The following ACTN2 variants were observed in gnomAD, a reference collection of about 807,000 sequenced individuals.
ACTN2 encodes alpha-actinin-2.
ACTN2 carries 39 observed loss-of-function variants against 113.8 expected under a neutral mutation model. The ratio of observed to expected loss-of-function variants is 0.34; its 90% CI spans 0.27 to 0.45. The LOEUF is 0.45. Ranked by LOEUF, ACTN2 falls within the 20% of genes least tolerant of loss-of-function variation. The pLI, the probability that ACTN2 is intolerant of heterozygous loss-of-function variation, is 1.00. For synonymous variants in ACTN2, 429 were observed against 444.1 expected, an observed-to-expected ratio of 0.97 and a Z score of 0.43; for missense variants, 992 against 1,177.9, an observed-to-expected ratio of 0.84 and a Z score of 2.31.
At chr1:236,751,730 G>A (rs2102939929) in intron 15 of ACTN2, 78 bp downstream of exon 15, 1 of 1,544,992 alleles carries the variant, frequency 6.5e-7, no homozygotes, top group Non-Finnish European at 8.9e-7. Context: ...AACGCCTCGG[G>A]GACTTAGGGT....
At chr1:236,736,780 C>G (rs1488631096) in intron 8 of ACTN2, 7 of 700,682 alleles carry the variant, frequency 1.0e-5, no homozygotes. Context: ...TTCAGGTGGA[C>G]ATTCAGGGAC....
rs376164113 is a variant in ACTN2, at chr1:236,720,075, T to C, written c.362-30T>C. 11 of 1,458,206 alleles carry C rather than the reference T, an allele frequency of 7.5e-6. No homozygotes were observed. The African/African-American group carries it at 1.5e-4, about 20-fold the overall frequency. 90.3% of individuals were successfully genotyped at this position (1,458,206 alleles called of 1,614,324 possible). On this transcript the variant is annotated intron_variant, in intron 3 of 20. Transcript: ENST00000366578. ...AGTTACGTACAGACTATGTTATCTT[T>C]ACATTAATTTGTTGTTTTCTTACCT... is the stretch of plus-strand genomic sequence containing the variant.
At position 236,725,144 on chromosome 1, in the gene ACTN2, GACTC is replaced by G. The variant is rs1353234299; in HGVS notation, c.449-785_449-782del. ...TACAAAGGATCCAATTGTCCTGTAAGACTCACTTCAATTACAGATTGTGCTCAGT... is the reference window on the plus strand; with the variant it reads ...TACAAAGGATCCAATTGTCCTGTAAGACTTCAATTACAGATTGTGCTCAGT... On this transcript the variant is annotated intron_variant, in intron 4 of 20. Coordinates refer to ENST00000366578, the MANE Select transcript of ACTN2 (RefSeq NM_001103.4). Among the ~76,000 whole-genome samples the G allele has an allele frequency of 1.1e-4, 17 of 152,250 alleles. No individual in the cohort carries two copies. The East Asian group carries it at 3.1e-3, about 28-fold the overall frequency.
Position 236,761,146 on chromosome 1 carries a change from C to T in ACTN2, c.2499C>T (p.Ala833=). Residue 833 remains alanine, a synonymous_variant, in exon 20 of 21, where the codon GCC becomes GCT. Coordinates refer to ENST00000366578, the MANE Select transcript of ACTN2 (RefSeq NM_001103.4). ...CCGACACTGCCGAGCAGGTCATCGC[C>T]TCCTTCCGGATCCTGGCTTCTGATA... ...ADTDTAEQVI[A]SFRILASDKP... is the part of the protein sequence containing the mutation. 6.2e-7 allele frequency: 1 copy of T among 1,614,184 alleles called. No individual in the cohort carries two copies. The highest frequency in any genetic ancestry group is 8.5e-7 in the Non-Finnish European group (1 of 1,180,038).
chr1:236,717,358 G>A (rs1400282500), intron 1 of ACTN2, among the ~76,000 whole-genome samples: 3 of 152,090 alleles, frequency 2.0e-5, no homozygotes, highest in African/African-American at 7.2e-5. Flanking sequence ...GATCAGTTGA[G>A]CCTGGGAGGT....
rs552938924 is a variant in ACTN2, at chr1:236,755,113, A to T, written c.2069A>T (p.Asn690Ile). 6.2e-7 allele frequency: 1 copy of T among 1,614,120 alleles called. No homozygotes were observed. Among genetic ancestry groups the T allele is most frequent in the East Asian group, 2.2e-5 (1 of 44,880 alleles). Residue 690 changes from asparagine (N) to isoleucine (I), a missense_variant, in exon 17 of 21, where the codon AAC becomes ATC. Asn to Ile is a moderately radical substitution (Grantham distance 149). Coordinates refer to ENST00000366578, the MANE Select transcript of ACTN2 (RefSeq NM_001103.4). Reference protein sequence around the residue: ...QYEHNIINYKNNIDKLEGDHQ... With the variant: ...QYEHNIINYKINIDKLEGDHQ... ...GAGCACAACATCATCAACTATAAGA[A>T]CAACATCGACAAGCTGGAGGGAGAC...
intron 17 of ACTN2, 42 bp downstream of exon 17, chr1:236,755,240 G>T: frequency 6.2e-7 from 1 of 1,611,576 alleles, no homozygotes; most frequent in South Asian, 1.1e-5. Context: ...CTTCTCACGG[G>T]GACCATGCCA....
chr1:236,698,649 ATGT>A (rs983349135), intron 1 of ACTN2, among the ~76,000 whole-genome samples: 7 of 152,158 alleles, frequency 4.6e-5, no homozygotes, highest in African/African-American at 1.7e-4. Flanking sequence ...GGAGCAGAGG[ATGT>A]TGTAATTTTT....
chr1:236,727,039 C>T (rs767771295), intron 5 of ACTN2, among the ~76,000 whole-genome samples: 7 of 152,204 alleles, frequency 4.6e-5, no homozygotes, highest in East Asian at 1.9e-4. Context: ...TCACTGAACC[C>T]GCTGTCGCCA....
intron 1 of ACTN2, among the ~76,000 whole-genome samples, chr1:236,710,286 TAAAA>T (rs899407546): frequency 6.6e-6 from 1 of 152,226 alleles, no homozygotes; most frequent in African/African-American, 2.4e-5. Flanking sequence ...TTCATTAACT[TAAAA>T]AGAAATCAAA....
rs1428143952 is a variant in ACTN2, at chr1:236,754,104, G to A, written c.1974+23G>A. On this transcript the variant is annotated intron_variant, in intron 16 of 20. Transcript: ENST00000366578. This position sits in a 1 kb window ranked among gnomAD's most constrained non-coding sequence, Gnocchi z 4.9. ...GAGGTAAGCCAGCGCCCTCCCAGGC[G>A]CTGTTCACAAGCCTTGCGATAAGTC... 17 of 1,612,772 alleles carry A rather than the reference G, an allele frequency of 1.1e-5. No individual in the cohort carries two copies. The highest frequency in any genetic ancestry group is 2.7e-5 in the African/African-American group (2 of 75,054).
intron 1 of ACTN2, among the ~76,000 whole-genome samples, chr1:236,711,502 C>T (rs1448321874): frequency 6.6e-6 from 1 of 152,150 alleles, no homozygotes; most frequent in African/African-American, 2.4e-5. Flanking sequence ...GCATGCGCCA[C>T]CACGCCAGGC....
At chr1:236,713,531 A>C (rs1658114550) in intron 1 of ACTN2, among the ~76,000 whole-genome samples, 1 of 152,188 alleles carries the variant, frequency 6.6e-6, no homozygotes, top group African/African-American at 2.4e-5. Flanking sequence ...CAAGCAAAGT[A>C]TAGAACAATG....
At chr1:236,709,259 C>CATATAT (rs1431392723) in intron 1 of ACTN2, among the ~76,000 whole-genome samples, 1 of 110,412 alleles carries the variant, frequency 9.1e-6, no homozygotes, top group African/African-American at 4.1e-5. Context: ...TATATATACA[C>CATATAT]ACACACACAC....
rs1248493214 is a variant in ACTN2 at position 236,760,205 on chromosome 1, C to T, written c.2367+416C>T. ...AGGTTGCAGTGAGCTGAGATTGCAC[C>T]ACTGCACTCCAGCCTAGATGACAAG... On this transcript the variant is annotated intron_variant, in intron 19 of 20. Transcript: ENST00000366578. 2.0e-5 allele frequency among the ~76,000 whole-genome samples: 3 copies of T among 151,658 alleles called. No individual in the cohort carries two copies. The East Asian group carries it at 5.8e-4, about 29-fold the overall frequency.
At chr1:236,747,152 G>A (rs1251366130) in intron 12 of ACTN2, among the ~76,000 whole-genome samples, 3 of 152,200 alleles carry the variant, frequency 2.0e-5, no homozygotes, top group Non-Finnish European at 4.4e-5. Flanking sequence ...CCAAGAAAAG[G>A]AAGGGGAAAT....
In ACTN2 at chr1:236,754,307, AG is replaced by A. The variant is rs997638738; in HGVS notation, c.1974+232del. ...AGGAAGGCGGCACTCAAGGAAGGGG[AG>A]GGGGGTCTTGCTGGGTTCTGTTTAT... On this transcript the variant is annotated intron_variant, in intron 16 of 20. Transcript: ENST00000366578. The surrounding 1 kb of genome is among the most constrained non-coding windows in gnomAD (Gnocchi z 4.9). Among the ~76,000 whole-genome samples, 1 of 152,116 alleles carries A rather than the reference AG, an allele frequency of 6.6e-6. No individual in the cohort carries two copies. Among genetic ancestry groups the A allele is most frequent in the African/African-American group, 2.4e-5 (1 of 41,430 alleles).
chr1:236,749,314 A>G, intron 14 of ACTN2, 50 bp downstream of exon 14: 1 of 1,610,944 alleles, frequency 6.2e-7, no homozygotes, highest in African/African-American at 1.3e-5. Context: ...GTGAGTTGTC[A>G]TTTAAACTTA....
chr1:236,710,967 TCTAGATCATG>T (rs1658008426), intron 1 of ACTN2, among the ~76,000 whole-genome samples: 1 of 152,058 alleles, frequency 6.6e-6, no homozygotes, highest in Non-Finnish European at 1.5e-5. Flanking sequence ...GGACCGCTGT[TCTAGATCATG>T]TTCAGGAATA....
Sources: allele counts gnomAD v4.1 joint callset (sites outside exome capture counted in the v4.1 genomes callset), GRCh38; gene constraint gnomAD v4.1.1; non-coding constraint Gnocchi (gnomAD v3.1); transcripts MANE v1.5; gene names NCBI Gene and HGNC (gene_info 2026-07-23, HGNC 2026-07-21).